ZNHIT1: variants seen among roughly 807,000 people sequenced by gnomAD.
The protein encoded by ZNHIT1 is zinc finger HIT domain-containing protein 1.
A neutral mutation model predicts 21.4 loss-of-function variants in ZNHIT1; 20 were observed. That is an observed-to-expected ratio of 0.93 (90% CI 0.66 to 1.36). The LOEUF (loss-of-function observed/expected upper bound fraction) is 1.36. Among genes scored for constraint, ZNHIT1 ranks in the 40% most tolerant of loss-of-function variants. The pLI, the probability that ZNHIT1 is intolerant of heterozygous loss-of-function variation, is 0.00. For synonymous variants in ZNHIT1, 79 were observed against 84.0 expected, an observed-to-expected ratio of 0.94 and a Z score of 0.32; for missense variants, 170 against 213.5, an observed-to-expected ratio of 0.80 and a Z score of 1.27.
chr7:101,221,859 G>A (rs1647351517), intron 1 of ZNHIT1: 1 of 152,220 alleles, frequency 6.6e-6, no homozygotes, highest in Non-Finnish European at 1.5e-5. Flanking sequence ...AAGGCACACT[G>A]GAGCCGCTCT....
intron 1 of ZNHIT1, chr7:101,220,158 C>T (rs1798349014): frequency 8.2e-6 from 1 of 122,374 alleles, no homozygotes; most frequent in Non-Finnish European, 1.6e-5. Flanking sequence ...CTTGCTCTGT[C>T]ACCCAGGCTG....
At chr7:101,220,464 C>G (rs181340562) in intron 1 of ZNHIT1, 1 of 152,242 alleles carries the variant, frequency 6.6e-6, no homozygotes, top group Admixed American at 6.5e-5. Context: ...GACTCCTGAC[C>G]TGGCCACTTG....
chr7:101,221,008 T>G (rs1196983912), intron 1 of ZNHIT1: 1 of 152,214 alleles, frequency 6.6e-6, no homozygotes, highest in East Asian at 1.9e-4. Flanking sequence ...CACCTCAGCC[T>G]CCCAAAGTGC....
Position 101,223,850 on chromosome 7 carries a change from T to G in ZNHIT1, c.443+8T>G, listed in dbSNP as rs370226922. The G allele has an allele frequency of 1.2e-6, 2 of 1,614,004 alleles. No homozygotes were observed. The highest frequency in any genetic ancestry group is 4.5e-5 in the East Asian group (2 of 44,876). On this transcript the variant is annotated splice_region_variant and intron_variant, in intron 4 of 4. Coordinates refer to ENST00000305105, the MANE Select transcript of ZNHIT1 (RefSeq NM_006349.3). The stretch of plus-strand genomic sequence containing the variant: ...GACCCACCAGGAGACCAGGTGAGCA[T>G]GAGACCTGCTGTCCACTCCCACTCC...
intron 1 of ZNHIT1, 68 bp downstream of exon 1, chr7:101,218,285 C>A: frequency 6.4e-7 from 1 of 1,555,310 alleles, no homozygotes. Context: ...CTTACCTAGT[C>A]ATTCCTCTTT....
At position 101,218,168 on chromosome 7, in the gene ZNHIT1, A is replaced by G; in HGVS notation, c.-28A>G. On this transcript the variant is annotated 5_prime_UTR_variant, in exon 1 of 5. Transcript: ENST00000305105. The stretch of plus-strand genomic sequence containing the variant: ...CTTGGGGTTAGTACGCGTGCGCAGC[A>G]GTTTCTTCCGACAGTTGTGTTGTGC... 6.2e-7 allele frequency: 1 copy of G among 1,611,130 alleles called. No individual in the cohort carries two copies. Among genetic ancestry groups the G allele is most frequent in the African/African-American group, 1.3e-5 (1 of 74,860 alleles).
chr7:101,218,927 A>G (rs931058907), intron 1 of ZNHIT1: 1 of 152,598 alleles, frequency 6.6e-6, no homozygotes, highest in African/African-American at 2.4e-5. Flanking sequence ...CTCAGTGGGA[A>G]CCTCACGTGC....
intron 1 of ZNHIT1, chr7:101,219,302 TCTCA>T (rs1182902470): frequency 6.6e-6 from 1 of 152,264 alleles, no homozygotes; most frequent in African/African-American, 2.4e-5. Context: ...GAGATGGGTG[TCTCA>T]CTATGTTGCC....
chr7:101,222,473 G>T, intron 1 of ZNHIT1, 131 bp from the exon 2 acceptor site: 1 of 1,112,820 alleles, frequency 9.0e-7, no homozygotes, highest in Non-Finnish European at 1.3e-6. Context: ...GGGGACCAAG[G>T]GCTTGGCAAT....
chr7:101,222,759 G>A lies in ZNHIT1; in HGVS notation c.178G>A (p.Asp60Asn). 1 of 1,613,954 alleles carries A rather than the reference G, an allele frequency of 6.2e-7. No homozygotes were observed. Among genetic ancestry groups the A allele is most frequent in the Non-Finnish European group, 8.5e-7 (1 of 1,179,862 alleles). ...QLGKRLPQFD[D>N]DADTGKKKKK... Reference sequence around the variant, plus strand: ...CGGCAAGAGACTGCCTCAGTTTGATGACGATGCGGACACTGGTGAGGCGGA... The same window carrying A: ...CGGCAAGAGACTGCCTCAGTTTGATAACGATGCGGACACTGGTGAGGCGGA... Residue 60 changes from aspartate (D) to asparagine (N), a missense_variant, in exon 2 of 5, where the codon GAC becomes AAC. Transcript: ENST00000305105.
At chr7:101,220,845 G>A (rs1798358538) in intron 1 of ZNHIT1, 1 of 152,236 alleles carries the variant, frequency 6.6e-6, no homozygotes, top group African/African-American at 2.4e-5. Flanking sequence ...TCCACCTCCC[G>A]GGTTCAAGCG....
At chr7:101,218,312 C>T in intron 1 of ZNHIT1, 95 bp downstream of exon 1, 3 of 1,437,588 alleles carry the variant, frequency 2.1e-6, no homozygotes, top group South Asian at 2.5e-5. Flanking sequence ...CTCGCTCTTT[C>T]GCCTAGGCTG....
intron 1 of ZNHIT1, chr7:101,221,219 T>C (rs1435008761): frequency 6.7e-6 from 1 of 149,812 alleles, no homozygotes; most frequent in Non-Finnish European, 1.5e-5. Flanking sequence ...TTTTTCCTTC[T>C]TTCTTTTTTT....
intron 2 of ZNHIT1, among the ~76,000 whole-genome samples, chr7:101,223,062 G>A (rs1367555868): frequency 6.6e-6 from 1 of 152,192 alleles, no homozygotes; most frequent in East Asian, 1.9e-4. Flanking sequence ...GGCTGGTAGC[G>A]AGGGGCCGAC....
intron 1 of ZNHIT1, chr7:101,219,907 T>C (rs1322151458): frequency 6.6e-6 from 1 of 152,230 alleles, no homozygotes; most frequent in Non-Finnish European, 1.5e-5. Context: ...GGTGTTTCTG[T>C]CCTGGGCTCT....
At chr7:101,222,909 C>T in intron 2 of ZNHIT1, 135 bp downstream of exon 2, 2 of 1,133,608 alleles carry the variant, frequency 1.8e-6, no homozygotes, top group Non-Finnish European at 2.5e-6. Context: ...TGTGAGCAAC[C>T]ACACCCCCTT....
intron 1 of ZNHIT1, 165 bp from the exon 2 acceptor site, chr7:101,222,439 A>AG (rs61502110): frequency 1 from 703,186 of 703,214 alleles, 351,579 homozygotes; most frequent in Middle Eastern, 1. Context: ...GTGTGGGCCC[A>AG]GGGCTTGGCC....
intron 1 of ZNHIT1, chr7:101,218,580 C>G (rs967139287): frequency 7.2e-5 from 20 of 276,690 alleles, no homozygotes; most frequent in Non-Finnish European, 1.2e-4. Flanking sequence ...CCGGCCCCAG[C>G]TATTCCTCGT....
At chr7:101,221,371 G>A (rs915779262) in intron 1 of ZNHIT1, 1 of 152,088 alleles carries the variant, frequency 6.6e-6, no homozygotes, top group African/African-American at 2.4e-5. Context: ...CTACAGGCAT[G>A]TGCAACCACG....
Sources: gnomAD v4.1 joint callset for allele counts (sites outside exome capture counted in the v4.1 genomes callset) on GRCh38, gnomAD v4.1.1 for gene constraint, MANE v1.5 for transcripts, NCBI Gene and HGNC (gene_info 2026-07-23, HGNC 2026-07-21) for gene names.